Variants in LUZP2 observed in about 807,000 individuals in gnomAD.
The protein encoded by LUZP2 is leucine zipper protein 2.
Under a neutral mutation model 51.6 loss-of-function variants are expected in LUZP2, and 52 were observed. That is an observed-to-expected ratio of 1.01 (90% confidence interval 0.81 to 1.27). The LOEUF (loss-of-function observed/expected upper bound fraction) is 1.27, where lower values mean the gene tolerates loss of function less well. Ranked by LOEUF, LUZP2 falls within the 50% of genes most tolerant of loss-of-function variation. The probability of loss-of-function intolerance (pLI) is 0.00; values close to 1 mark genes in which losing one functional copy is unlikely to be tolerated. For synonymous variants in LUZP2, 154 were observed against 137.3 expected, an observed-to-expected ratio of 1.12 and a Z score of -0.85; for missense variants, 436 against 395.4, an observed-to-expected ratio of 1.10 and a Z score of -0.87.
intron 10 of LUZP2, among the ~76,000 whole-genome samples, chr11:25,073,485 T>G (rs2134058231): frequency 6.6e-6 from 1 of 152,336 alleles, no homozygotes; most frequent in African/African-American, 2.4e-5. Flanking sequence ...AGACATTCCC[T>G]GGGTCTGGGC....
chr11:24,566,152 G>T (rs1471365618), intron 1 of LUZP2, among the ~76,000 whole-genome samples: 1 of 151,660 alleles, frequency 6.6e-6, no homozygotes, highest in Non-Finnish European at 1.5e-5. Context: ...CCTAAATATT[G>T]TGCATAGAAG....
chr11:25,077,359 G>T lies in LUZP2; in HGVS notation c.889G>T (p.Glu297Ter). 1 of 1,613,060 alleles carries T rather than the reference G, an allele frequency of 6.2e-7. No homozygotes were observed. The highest frequency in any genetic ancestry group is 1.1e-5 in the South Asian group (1 of 91,054). Residue 297 changes from glutamate (E) to a stop codon, truncating the protein, a stop_gained, in exon 11 of 12, where the codon GAA becomes TAA. Coordinates refer to ENST00000336930, the MANE Select transcript of LUZP2 (RefSeq NM_001009909.4). LOFTEE classifies it low-confidence loss of function (END_TRUNC). ...EGRPCSMKHKESPPSNATAET... is the reference protein window; with the variant it reads ...EGRPCSMKHK ...CAGACCGTGTTCCATGAAGCACAAAGAAAGTCCCCCAAGTAATGCCACTGC... is the reference window on the plus strand; with the variant it reads ...CAGACCGTGTTCCATGAAGCACAAATAAAGTCCCCCAAGTAATGCCACTGC...
intron 1 of LUZP2, among the ~76,000 whole-genome samples, chr11:24,554,045 G>A (rs1242495682): frequency 2.6e-5 from 4 of 152,156 alleles, no homozygotes; most frequent in Non-Finnish European, 5.9e-5. Flanking sequence ...TGAAGACTGG[G>A]AGTTTGATAT....
At chr11:25,073,117 C>A (rs912127502) in intron 10 of LUZP2, among the ~76,000 whole-genome samples, 3 of 152,070 alleles carry the variant, frequency 2.0e-5, no homozygotes, top group Non-Finnish European at 4.4e-5. Flanking sequence ...AGAGGCAGAA[C>A]AATTAATTAA....
intron 9 of LUZP2, among the ~76,000 whole-genome samples, chr11:25,017,138 G>T (rs1027029083): frequency 1.1e-4 from 17 of 151,928 alleles, no homozygotes; most frequent in African/African-American, 4.1e-4. Flanking sequence ...TTTTCTTGCT[G>T]ATTTGTTTAA....
chr11:24,963,244 G>C (rs537715438), intron 7 of LUZP2, among the ~76,000 whole-genome samples: 26 of 152,258 alleles, frequency 1.7e-4, no homozygotes, highest in African/African-American at 5.5e-4. Flanking sequence ...GCAGTCTGCC[G>C]GTTCTCAGAT....
At chr11:24,962,862 T>C (rs1855457302) in intron 7 of LUZP2, among the ~76,000 whole-genome samples, 1 of 152,222 alleles carries the variant, frequency 6.6e-6, no homozygotes, top group South Asian at 2.1e-4. Flanking sequence ...TTCCAGTTTT[T>C]CTGCTCTGTT....
At chr11:24,829,935 T>A (rs957013743) in intron 5 of LUZP2, among the ~76,000 whole-genome samples, 13 of 152,218 alleles carry the variant, frequency 8.5e-5, no homozygotes, top group African/African-American at 2.9e-4. Flanking sequence ...ATCATAGTAC[T>A]CCCTGCTGTC....
At chr11:24,790,584 C>G (rs982278450) in intron 5 of LUZP2, among the ~76,000 whole-genome samples, 1 of 152,046 alleles carries the variant, frequency 6.6e-6, no homozygotes, top group South Asian at 2.1e-4. Flanking sequence ...TCACTGCAAC[C>G]TCTGCCTCGG....
chr11:24,654,716 G>A (rs1855747063), intron 1 of LUZP2, among the ~76,000 whole-genome samples: 1 of 150,226 alleles, frequency 6.7e-6, no homozygotes, highest in Admixed American at 6.7e-5. Context: ...GTAGAGGCAG[G>A]GTTTCACCAT....
At chr11:24,724,909 A>G (rs1858414652) in intron 1 of LUZP2, among the ~76,000 whole-genome samples, 1 of 152,218 alleles carries the variant, frequency 6.6e-6, no homozygotes, top group Non-Finnish European at 1.5e-5. Context: ...ACCCATCCAC[A>G]ATAGTAGCAA....
intron 9 of LUZP2, among the ~76,000 whole-genome samples, chr11:25,045,530 A>T (rs1467314251): frequency 6.6e-6 from 1 of 152,126 alleles, no homozygotes; most frequent in Non-Finnish European, 1.5e-5. Context: ...TAATTAATTT[A>T]TTTTCAGTAT....
intron 7 of LUZP2, among the ~76,000 whole-genome samples, chr11:24,924,263 A>C (rs1185122355): frequency 6.6e-6 from 1 of 151,842 alleles, no homozygotes; most frequent in Non-Finnish European, 1.5e-5. Context: ...TTTTTAGTAG[A>C]GATGGGGTTT....
At chr11:25,072,584 C>T (rs1312211995) in intron 10 of LUZP2, among the ~76,000 whole-genome samples, 1 of 152,070 alleles carries the variant, frequency 6.6e-6, no homozygotes, top group Non-Finnish European at 1.5e-5. Flanking sequence ...TATATTTACT[C>T]TTTAGATAAC....
At chr11:24,811,497 T>C (rs911602453) in intron 5 of LUZP2, among the ~76,000 whole-genome samples, 6 of 152,108 alleles carry the variant, frequency 3.9e-5, no homozygotes, top group African/African-American at 1.4e-4. Flanking sequence ...AGTAATCCTT[T>C]TTTTTTTACT....
At chr11:24,514,272 AAGAG>A (rs1174046055) in intron 1 of LUZP2, among the ~76,000 whole-genome samples, 1 of 152,180 alleles carries the variant, frequency 6.6e-6, no homozygotes, top group African/African-American at 2.4e-5. Context: ...GGCAGAGAAA[AAGAG>A]AGAAAGAAAT....
At chr11:25,061,400 A>G (rs891953627) in intron 10 of LUZP2, among the ~76,000 whole-genome samples, 11 of 152,198 alleles carry the variant, frequency 7.2e-5, no homozygotes, top group Non-Finnish European at 1.6e-4. Context: ...GTTGGTGAAT[A>G]TGTGTATCTG....
intron 1 of LUZP2, among the ~76,000 whole-genome samples, chr11:24,580,113 T>C (rs1852796071): frequency 6.6e-6 from 1 of 152,152 alleles, no homozygotes; most frequent in South Asian, 2.1e-4. Flanking sequence ...TTCTGTTTAA[T>C]AGGATTAAGA....
chr11:24,623,835 A>T (rs1282679641), intron 1 of LUZP2, among the ~76,000 whole-genome samples: 6 of 152,194 alleles, frequency 3.9e-5, no homozygotes, highest in Non-Finnish European at 7.3e-5. Flanking sequence ...CGACAGAGTG[A>T]GACCCCATAT....
Sources: gnomAD v4.1 joint callset for allele counts (sites outside exome capture counted in the v4.1 genomes callset) on GRCh38, gnomAD v4.1.1 for gene constraint, MANE v1.5 for transcripts, NCBI Gene and HGNC (gene_info 2026-07-23, HGNC 2026-07-21) for gene names.